TCF4: variants seen among roughly 807,000 people sequenced by gnomAD.
TCF4 encodes the protein transcription factor 4.
A neutral mutation model predicts 82.1 loss-of-function variants in TCF4; 3 were observed. The observed-to-expected ratio is 0.04, with a 90% CI of 0.02 to 0.09. The LOEUF is 0.09. Ranked by LOEUF, TCF4 falls within the 10% of genes least tolerant of loss-of-function variation. The pLI is 1.00. For missense variants in TCF4, 518 were observed against 852.7 expected (o/e 0.61, Z 4.89); for synonymous variants, 276 against 309.6 (o/e 0.89, Z 1.14).
chr18:55,365,583 T>C (rs2086797038), intron 6 of TCF4, among the ~76,000 whole-genome samples: 1 of 151,930 alleles, frequency 6.6e-6, no homozygotes, highest in Admixed American at 6.6e-5. Flanking sequence ...CTGAATAGGC[T>C]TTGAGGCACA....
At chr18:55,229,311 T>C in intron 17 of TCF4, 3 of 549,916 alleles carry the variant, frequency 5.5e-6, no homozygotes, top group Non-Finnish European at 6.5e-6. Context: ...CAGGTGAGGG[T>C]GACGTAGATT....
At chr18:55,494,203 C>A in intron 3 of TCF4, among the ~76,000 whole-genome samples, 1 of 125,958 alleles carries the variant, frequency 7.9e-6, no homozygotes. Flanking sequence ...GCATGTACAA[C>A]CAGGAAGAAA....
intron 8 of TCF4, among the ~76,000 whole-genome samples, chr18:55,301,812 A>AAGG (rs1555848542): frequency 9.9e-6 from 1 of 101,032 alleles, no homozygotes; most frequent in African/African-American, 3.8e-5. Context: ...AAAAAAAAAA[A>AAGG]GTGGGGGGGG....
chr18:55,602,121 G>A (rs34341606), intron 2 of TCF4, among the ~76,000 whole-genome samples: 3 of 152,060 alleles, frequency 2.0e-5, no homozygotes, highest in African/African-American at 7.2e-5. Flanking sequence ...TTACTATGTG[G>A]CAGGCACATT....
At chr18:55,546,041 T>G (rs1005788527) in intron 3 of TCF4, among the ~76,000 whole-genome samples, 2 of 152,030 alleles carry the variant, frequency 1.3e-5, no homozygotes, top group Non-Finnish European at 2.9e-5. Context: ...CATTTGAAAA[T>G]AGAGACGTAA....
At chr18:55,623,470 T>C (rs569413257) in intron 2 of TCF4, among the ~76,000 whole-genome samples, 75 of 152,346 alleles carry the variant, frequency 4.9e-4, no homozygotes, top group African/African-American at 1.7e-3. Flanking sequence ...AAACTGTATA[T>C]ATGTTTTTAC....
In TCF4 at chr18:55,573,298, C is replaced by CAA. The variant is rs34330994; in HGVS notation, c.145+11980_145+11981dup. Among the ~76,000 whole-genome samples the CAA allele has an allele frequency of 3.9e-3, 422 of 106,984 alleles. 1 individual carries two copies. The highest frequency in any genetic ancestry group is 0.014 in the African/African-American group (382 of 26,926). 70.2% of individuals were successfully genotyped at this position (106,984 alleles called of 152,430 possible). ...ATTAGAAAGTTATAGGAAGTTTCAC[C>CAA]AAAAAAAAAAAAAAAAACAAGTAGC... On this transcript the variant is annotated intron_variant, in intron 3 of 19. Transcript: ENST00000354452.
At position 55,464,155 on chromosome 18, in the gene TCF4, G is replaced by A. The variant is rs1459263133; in HGVS notation, c.146-18C>T. ...TTCTACATCTAGGGACAAGAGAAAA[G>A]TTCTTTAGGCTTTCTTGCAGTAATT... On this transcript the variant is annotated intron_variant, in intron 3 of 19. Coordinates refer to ENST00000354452, the MANE Select transcript of TCF4 (RefSeq NM_001083962.2). The A allele has an allele frequency of 6.2e-7, 1 of 1,612,844 alleles. No homozygotes were observed. Among genetic ancestry groups the A allele is most frequent in the Non-Finnish European group, 8.5e-7 (1 of 1,179,040 alleles).
chr18:55,534,401 G>T (rs2097096993), intron 3 of TCF4, among the ~76,000 whole-genome samples: 1 of 152,202 alleles, frequency 6.6e-6, no homozygotes, highest in South Asian at 2.1e-4. Flanking sequence ...TAAGGGCACT[G>T]GGGGTGCTTT....
chr18:55,270,760 A>G (rs908079559), intron 10 of TCF4, among the ~76,000 whole-genome samples: 6 of 152,134 alleles, frequency 3.9e-5, no homozygotes, highest in Non-Finnish European at 8.8e-5. Context: ...AGTGCCTGTA[A>G]GGTGGCAAAT....
chr18:55,422,275 A>AC (rs1569451390), intron 5 of TCF4: 4 of 985,324 alleles, frequency 4.1e-6, no homozygotes, highest in Non-Finnish European at 1.2e-6. Flanking sequence ...ATGTGGATGA[A>AC]TAAACTGTTG....
intron 5 of TCF4, among the ~76,000 whole-genome samples, chr18:55,449,341 GAAA>G (rs1320510914): frequency 1.3e-5 from 2 of 151,872 alleles, no homozygotes; most frequent in Non-Finnish European, 2.9e-5. Flanking sequence ...AATAAATAAG[GAAA>G]AAAACTTAAG....
At chr18:55,619,497 A>C (rs1159069904) in intron 2 of TCF4, among the ~76,000 whole-genome samples, 3 of 152,092 alleles carry the variant, frequency 2.0e-5, no homozygotes, top group African/African-American at 4.8e-5. Flanking sequence ...TTTCTTTTAC[A>C]ATGTCTAATC....
intron 3 of TCF4, among the ~76,000 whole-genome samples, chr18:55,526,684 A>T (rs2096988173): frequency 6.6e-6 from 1 of 152,178 alleles, no homozygotes; most frequent in African/African-American, 2.4e-5. Context: ...TCCTGAGAAA[A>T]GGCACTGTGA....
chr18:55,236,277 G>A (rs73487018), intron 15 of TCF4, among the ~76,000 whole-genome samples: 3 of 152,102 alleles, frequency 2.0e-5, no homozygotes, highest in South Asian at 2.1e-4. Context: ...TGCCTGTGTC[G>A]CAACACAGAA....
intron 6 of TCF4, among the ~76,000 whole-genome samples, chr18:55,361,903 C>A (rs2085292016): frequency 6.6e-6 from 1 of 152,144 alleles, no homozygotes; most frequent in Non-Finnish European, 1.5e-5. Context: ...TGGGCTGAGG[C>A]AGAAATAACT....
At chr18:55,555,316 T>A (rs140370092) in intron 3 of TCF4, among the ~76,000 whole-genome samples, 1 of 152,290 alleles carries the variant, frequency 6.6e-6, no homozygotes, top group Non-Finnish European at 1.5e-5. Flanking sequence ...GGGAAAGCCA[T>A]CAGTTTGACT....
chr18:55,242,355 C>A (rs2051520978), intron 15 of TCF4, among the ~76,000 whole-genome samples: 1 of 152,168 alleles, frequency 6.6e-6, no homozygotes, highest in Non-Finnish European at 1.5e-5. Context: ...AGGAACTGCA[C>A]AGGTCACTGC....
intron 3 of TCF4, among the ~76,000 whole-genome samples, chr18:55,574,234 A>G (rs1364619564): frequency 6.6e-6 from 1 of 152,178 alleles, no homozygotes; most frequent in Non-Finnish European, 1.5e-5. Context: ...AGATTTTAGG[A>G]TTTCCGTTTC....
Sources: gnomAD v4.1 joint callset for allele counts (sites outside exome capture counted in the v4.1 genomes callset) on GRCh38, gnomAD v4.1.1 for gene constraint, MANE v1.5 for transcripts, NCBI Gene and HGNC (gene_info 2026-07-23, HGNC 2026-07-21) for gene names.